The following ABCC1 variants were observed in gnomAD, a reference collection of about 807,000 sequenced individuals.
ABCC1 encodes ATP binding cassette subfamily C member 1 (ABCC1 blood group).
Under a neutral mutation model 172.9 loss-of-function variants are expected in ABCC1, and 83 were observed. That is an observed-to-expected ratio of 0.48 (90% CI 0.40 to 0.58). The LOEUF (loss-of-function observed/expected upper bound fraction) is 0.58. Ranked by LOEUF, ABCC1 falls within the 20% of genes least tolerant of loss-of-function variation. The probability of loss-of-function intolerance (pLI) is 0.00; values close to 1 mark genes in which losing one functional copy is unlikely to be tolerated. For synonymous variants in ABCC1, 937 were observed against 825.2 expected (o/e 1.14, Z -2.32); for missense variants, 1,817 against 2,002.7 (o/e 0.91, Z 1.77).
chr16:16,067,940 C>A (rs2050174421), intron 12 of ABCC1, among the ~76,000 whole-genome samples: 1 of 152,174 alleles, frequency 6.6e-6, no homozygotes, highest in South Asian at 2.1e-4. Context: ...GCTCTTTGGG[C>A]TCCCGGTCGT....
At chr16:16,109,337 T>G (rs992012287) in intron 21 of ABCC1, among the ~76,000 whole-genome samples, 2 of 151,996 alleles carry the variant, frequency 1.3e-5, no homozygotes, top group East Asian at 3.9e-4. Flanking sequence ...CCACCACACC[T>G]AGCTAATTTT....
At chr16:16,107,581 G>A (rs182822611) in intron 21 of ABCC1, among the ~76,000 whole-genome samples, 31 of 152,226 alleles carry the variant, frequency 2.0e-4, no homozygotes, top group African/African-American at 6.7e-4. Flanking sequence ...TGAGCACCGC[G>A]TCCTGCCTGT....
intron 12 of ABCC1, among the ~76,000 whole-genome samples, chr16:16,061,276 A>T (rs913402746): frequency 6.6e-6 from 1 of 152,214 alleles, no homozygotes; most frequent in African/African-American, 2.4e-5. Context: ...GTGAAACATA[A>T]TTAAAGCTGC....
Position 16,125,741 on chromosome 16 carries a change from A to AAAAAAAAG in ABCC1, c.3718-64_3718-63insAAGAAAAA, listed in dbSNP as rs1333077010. On this transcript the variant is annotated intron_variant, in intron 25 of 30. Transcript: ENST00000399410. ...ATTTGTTTCCTATTATCTCAGTGGAAAAAAAGAAAAAGGAAAGTCAAGTAC... is the reference window on the plus strand; with the variant it reads ...ATTTGTTTCCTATTATCTCAGTGGAAAAAAAAAGAAAAAGAAAAAGGAAAGTCAAGTAC... 2.7e-5 allele frequency: 32 copies of AAAAAAAAG among 1,187,744 alleles called. No individual in the cohort carries two copies. In the East Asian group the frequency reaches 3.8e-4, roughly 14 times the overall value. The allele number at this position is 1,187,744 out of a possible 1,614,324, so 73.6% of individuals were successfully genotyped here.
In ABCC1 at chr16:16,134,214, C is replaced by T. The variant is rs28363994; in HGVS notation, c.3967-136C>T. The T allele has an allele frequency of 2.4e-4, 256 of 1,074,240 alleles. No homozygotes were observed. In the East Asian group the frequency reaches 4.6e-3, roughly 19 times the overall value. The allele number at this position is 1,074,240 out of a possible 1,614,324, so 66.5% of individuals were successfully genotyped here. On this transcript the variant is annotated intron_variant, in intron 27 of 30. Coordinates refer to ENST00000399410, the MANE Select transcript of ABCC1 (RefSeq NM_004996.4). Reference sequence around the variant, plus strand: ...CTTAAAGGAGTGTCTCTGGGCAGCGCGCAAGGGAGAGGGCTGTCGAGTTGG... The same window carrying T: ...CTTAAAGGAGTGTCTCTGGGCAGCGTGCAAGGGAGAGGGCTGTCGAGTTGG...
intron 23 of ABCC1, 136 bp downstream of exon 23, chr16:16,115,212 C>T (rs555629582): frequency 1.3e-5 from 13 of 991,332 alleles, no homozygotes; most frequent in African/African-American, 9.7e-5. Flanking sequence ...TTGTCAGTTT[C>T]GAATACCTAA....
At chr16:16,052,597 A>G (rs2049476429) in intron 10 of ABCC1, 127 bp from the exon 11 acceptor site, 1 of 789,436 alleles carries the variant, frequency 1.3e-6, no homozygotes. Flanking sequence ...TTGTGGGGTA[A>G]AAGTAACACA....
intron 1 of ABCC1, among the ~76,000 whole-genome samples, chr16:15,991,780 C>T (rs1443412074): frequency 6.6e-6 from 1 of 152,144 alleles, no homozygotes; most frequent in Non-Finnish European, 1.5e-5. Context: ...GCCGACTCTG[C>T]AGTGGCCTTG....
At chr16:16,114,186 A>T (rs1377437052) in intron 22 of ABCC1, among the ~76,000 whole-genome samples, 1 of 152,212 alleles carries the variant, frequency 6.6e-6, no homozygotes, top group Non-Finnish European at 1.5e-5. Flanking sequence ...GCGTTCACCT[A>T]TCTGGACTTC....
chr16:16,065,456 G>A (rs929730501), intron 12 of ABCC1, among the ~76,000 whole-genome samples: 4 of 151,780 alleles, frequency 2.6e-5, no homozygotes, highest in African/African-American at 9.7e-5. Context: ...GTTTTGAGAC[G>A]GAGTCTTGCT....
At chr16:15,974,472 G>A (rs746685739) in intron 1 of ABCC1, among the ~76,000 whole-genome samples, 5 of 152,148 alleles carry the variant, frequency 3.3e-5, no homozygotes, top group Admixed American at 6.5e-5. Context: ...TTGAGTTGGC[G>A]TGGCTAAGAA....
chr16:16,095,632 G>A (rs1712899302), intron 19 of ABCC1, among the ~76,000 whole-genome samples: 2 of 152,184 alleles, frequency 1.3e-5, no homozygotes, highest in Admixed American at 1.3e-4. Context: ...CCTCTTGGGA[G>A]AAGGATCTTT....
chr16:16,005,676 A>G (rs1329009114), intron 1 of ABCC1, among the ~76,000 whole-genome samples: 1 of 152,124 alleles, frequency 6.6e-6, no homozygotes, highest in East Asian at 1.9e-4. Context: ...TATGCCAGAG[A>G]CCGGGCGTGG....
chr16:16,135,284 C>A (rs558954584), intron 28 of ABCC1, among the ~76,000 whole-genome samples: 2 of 152,080 alleles, frequency 1.3e-5, no homozygotes, highest in Non-Finnish European at 2.9e-5. Context: ...ACAGAGTACC[C>A]GAGAGAGAGT....
chr16:16,132,065 G>C lies in ABCC1; in HGVS notation c.3966+130G>C, dbSNP rs115413121. 1.1e-3 allele frequency: 1,374 copies of C among 1,215,836 alleles called. 10 individuals carry two copies. The African/African-American group carries it at 0.017, about 15-fold the overall frequency. The allele number at this position is 1,215,836 out of a possible 1,614,324, so 75.3% of individuals were successfully genotyped here. On this transcript the variant is annotated intron_variant, in intron 27 of 30. Transcript: ENST00000399410. ...ACACCTTTGCTTGAATGGCTTTTTG[G>C]GGGGCTGGGAGTGGACTGTGGCAGT...
chr16:16,122,753 G>T (rs2045227401), intron 24 of ABCC1, among the ~76,000 whole-genome samples: 1 of 150,612 alleles, frequency 6.6e-6, no homozygotes, highest in African/African-American at 2.4e-5. Context: ...TCATGGTGGT[G>T]TGTGCCTGTA....
chr16:16,075,585 C>T (rs924521030), intron 14 of ABCC1, among the ~76,000 whole-genome samples: 1 of 152,100 alleles, frequency 6.6e-6, no homozygotes, highest in East Asian at 1.9e-4. Flanking sequence ...AGGCCGAGAT[C>T]GCACCACTGC....
chr16:16,023,287 C>T (rs1484843950), intron 5 of ABCC1, among the ~76,000 whole-genome samples: 1 of 152,156 alleles, frequency 6.6e-6, no homozygotes, highest in Non-Finnish European at 1.5e-5. Context: ...AAATCATTAG[C>T]TAGAGTTTAA....
chr16:15,986,066 C>T (rs2046736786), intron 1 of ABCC1, among the ~76,000 whole-genome samples: 1 of 151,910 alleles, frequency 6.6e-6, no homozygotes, highest in South Asian at 2.1e-4. Flanking sequence ...TCCTGAGTAG[C>T]TGGGATTACA....
Sources: gnomAD v4.1 joint callset for allele counts (sites outside exome capture counted in the v4.1 genomes callset) on GRCh38, gnomAD v4.1.1 for gene constraint, MANE v1.5 for transcripts, NCBI Gene and HGNC (gene_info 2026-07-23, HGNC 2026-07-21) for gene names.